NTM: variants seen among roughly 807,000 people sequenced by gnomAD.
NTM encodes IgLON family member 2.
In NTM, 13 loss-of-function variants were observed where a neutral mutation model predicts 42.1. The ratio of observed to expected loss-of-function variants is 0.31; its 90% CI spans 0.20 to 0.49. The LOEUF (loss-of-function observed/expected upper bound fraction) is 0.49, where lower values mean the gene tolerates loss of function less well. NTM is among the 20% of genes least tolerant of loss of function. The probability of loss-of-function intolerance (pLI) is 0.99; values close to 1 mark genes in which losing one functional copy is unlikely to be tolerated. For synonymous variants in NTM, 187 were observed against 179.2 expected, an observed-to-expected ratio of 1.04 and a Z score of -0.35; for missense variants, 373 against 452.8, an observed-to-expected ratio of 0.82 and a Z score of 1.60.
At chr11:131,479,066 G>A (rs1466745078) in intron 1 of NTM, among the ~76,000 whole-genome samples, 2 of 152,160 alleles carry the variant, frequency 1.3e-5, no homozygotes, top group East Asian at 1.9e-4. Context: ...TTGTTTATGA[G>A]CATTCTGGCC....
intron 3 of NTM, among the ~76,000 whole-genome samples, chr11:132,167,555 T>C (rs894236197): frequency 3.3e-5 from 5 of 152,246 alleles, no homozygotes; most frequent in African/African-American, 1.2e-4. Context: ...TTCATTCCCA[T>C]TCAAGCAATG....
At chr11:131,901,011 A>G (rs935555603) in intron 1 of NTM, among the ~76,000 whole-genome samples, 1 of 152,226 alleles carries the variant, frequency 6.6e-6, no homozygotes, top group African/African-American at 2.4e-5. Flanking sequence ...GGGAACTGCT[A>G]GCCATCACTG....
intron 2 of NTM, among the ~76,000 whole-genome samples, chr11:132,017,051 G>C (rs2135482600): frequency 6.6e-6 from 1 of 151,860 alleles, no homozygotes; most frequent in South Asian, 2.1e-4. Context: ...TTTATTAGCT[G>C]TATGATTTGC....
At chr11:131,440,015 C>A (rs1949483030) in intron 1 of NTM, among the ~76,000 whole-genome samples, 1 of 142,882 alleles carries the variant, frequency 7.0e-6, no homozygotes, top group African/African-American at 2.6e-5. Flanking sequence ...GAAAATGTAT[C>A]TTGTGGTATT....
chr11:132,055,543 C>T (rs1031998775), intron 2 of NTM, among the ~76,000 whole-genome samples: 2 of 152,040 alleles, frequency 1.3e-5, no homozygotes, highest in African/African-American at 2.4e-5. Context: ...CAGCCTGGGA[C>T]GACAGGCAGG....
At chr11:131,654,324 A>G (rs2066895504) in intron 1 of NTM, among the ~76,000 whole-genome samples, 1 of 152,160 alleles carries the variant, frequency 6.6e-6, no homozygotes. Context: ...CCACCGCCAA[A>G]GGCAGGGCCG....
At chr11:132,217,417 G>A (rs2084122283) in intron 4 of NTM, among the ~76,000 whole-genome samples, 1 of 151,452 alleles carries the variant, frequency 6.6e-6, no homozygotes. Flanking sequence ...TGTGGGGTGT[G>A]TGTGTGTGTT....
intron 1 of NTM, among the ~76,000 whole-genome samples, chr11:131,810,356 A>T (rs2092686426): frequency 6.6e-6 from 1 of 152,120 alleles, no homozygotes; most frequent in Non-Finnish European, 1.5e-5. Context: ...GCACCCAGAG[A>T]GTGCTGTGAC....
intron 1 of NTM, among the ~76,000 whole-genome samples, chr11:131,882,205 T>C (rs1284296795): frequency 1.3e-5 from 2 of 152,214 alleles, no homozygotes; most frequent in East Asian, 1.9e-4. Flanking sequence ...TCTTTCTATC[T>C]ATCTATGTGA....
chr11:131,378,568 A>G (rs1942260750), intron 1 of NTM, among the ~76,000 whole-genome samples: 1 of 152,220 alleles, frequency 6.6e-6, no homozygotes, highest in African/African-American at 2.4e-5. Flanking sequence ...ATTTACCTAT[A>G]AAGCATCCTT....
chr11:131,434,417 A>G (rs1027509299), intron 1 of NTM, among the ~76,000 whole-genome samples: 15 of 152,284 alleles, frequency 9.9e-5, no homozygotes, highest in African/African-American at 2.6e-4. Flanking sequence ...GTGTAAAAGC[A>G]TTCCTATTTC....
chr11:131,482,433 A>G (rs1300513272), intron 1 of NTM, among the ~76,000 whole-genome samples: 1 of 152,190 alleles, frequency 6.6e-6, no homozygotes, highest in African/African-American at 2.4e-5. Context: ...TATTCAACAG[A>G]TCGACAAAAG....
intron 1 of NTM, chr11:131,663,141 T>A (rs965039817): frequency 6.6e-6 from 1 of 152,114 alleles, no homozygotes; most frequent in Admixed American, 6.5e-5. Flanking sequence ...CACACACACA[T>A]TCATATTCCT....
chr11:132,156,881 G>A (rs562619466), intron 3 of NTM, among the ~76,000 whole-genome samples: 80 of 152,338 alleles, frequency 5.3e-4, no homozygotes, highest in Non-Finnish European at 1.0e-3. Context: ...GGAGGCAGAG[G>A]AAGATTTGAT....
At chr11:132,243,176 T>G (rs1468669682) in intron 4 of NTM, among the ~76,000 whole-genome samples, 1 of 152,184 alleles carries the variant, frequency 6.6e-6, no homozygotes, top group African/African-American at 2.4e-5. Flanking sequence ...GAGCTCTTAC[T>G]AACAAATTAC....
At chr11:132,133,908 A>G (rs1193000738) in intron 2 of NTM, among the ~76,000 whole-genome samples, 4 of 152,152 alleles carry the variant, frequency 2.6e-5, no homozygotes, top group African/African-American at 4.8e-5. Flanking sequence ...GAGGGCAGCT[A>G]CAGCTGACTC....
chr11:132,315,429 A>G (rs2095403037), intron 7 of NTM, among the ~76,000 whole-genome samples: 1 of 152,132 alleles, frequency 6.6e-6, no homozygotes, highest in South Asian at 2.1e-4. Flanking sequence ...CCCTTGATGA[A>G]CGCAGATTCT....
At chr11:131,747,425 C>T (rs1446391407) in intron 1 of NTM, among the ~76,000 whole-genome samples, 1 of 152,144 alleles carries the variant, frequency 6.6e-6, no homozygotes, top group Non-Finnish European at 1.5e-5. Flanking sequence ...CTCCCATCAG[C>T]CTTTTGCTTG....
intron 2 of NTM, among the ~76,000 whole-genome samples, chr11:132,134,757 A>C (rs182449069): frequency 0.082 from 7,985 of 97,052 alleles, 627 homozygotes; most frequent in East Asian, 0.1. Context: ...ATATATATAT[A>C]TATCTCACAT....
Sources: gnomAD v4.1 joint callset for allele counts (sites outside exome capture counted in the v4.1 genomes callset) on GRCh38, gnomAD v4.1.1 for gene constraint, MANE v1.5 for transcripts, NCBI Gene and HGNC (gene_info 2026-07-23, HGNC 2026-07-21) for gene names.